Variants in NOX4 observed in about 807,000 individuals in gnomAD.
NOX4 encodes kidney oxidase-1.
In NOX4, 69 loss-of-function variants were observed where a neutral mutation model predicts 87.6. The ratio of observed to expected loss-of-function variants is 0.79; its 90% CI spans 0.65 to 0.96. The LOEUF (loss-of-function observed/expected upper bound fraction) is 0.96, where lower values mean the gene tolerates loss of function less well. NOX4 is among the 40% of genes least tolerant of loss of function. NOX4 has a pLI of 0.00. For missense variants in NOX4, 680 were observed against 681.5 expected, an observed-to-expected ratio of 1.00 and a Z score of 0.02; for synonymous variants, 275 against 238.2, an observed-to-expected ratio of 1.15 and a Z score of -1.42.
intron 4 of NOX4, among the ~76,000 whole-genome samples, chr11:89,446,614 C>A (rs182320278): frequency 9.9e-5 from 15 of 152,224 alleles, no homozygotes; most frequent in Admixed American, 3.3e-4. Context: ...AGAAGCCAAT[C>A]TGAAAAGACT....
chr11:89,346,051 T>G (rs1234929415), intron 13 of NOX4, among the ~76,000 whole-genome samples: 1 of 152,174 alleles, frequency 6.6e-6, no homozygotes, highest in Non-Finnish European at 1.5e-5. Context: ...AAACCCACTC[T>G]GCCAAGAGAA....
chr11:89,561,115 C>A, the NOX4 span, among the ~76,000 whole-genome samples: 1 of 129,024 alleles, frequency 7.8e-6, no homozygotes, highest in Non-Finnish European at 1.6e-5. Context: ...CTGAAGAACC[C>A]TAACACAGCA....
At chr11:89,362,452 T>C (rs2135010517) in intron 12 of NOX4, among the ~76,000 whole-genome samples, 1 of 152,244 alleles carries the variant, frequency 6.6e-6, no homozygotes, top group African/African-American at 2.4e-5. Context: ...GTCCAGTATC[T>C]TGATCATGCC....
chr11:89,339,487 G>C (rs2135380740), intron 15 of NOX4, among the ~76,000 whole-genome samples: 1 of 152,240 alleles, frequency 6.6e-6, no homozygotes, highest in Non-Finnish European at 1.5e-5. Flanking sequence ...TTGTAGCAAG[G>C]ATACATATGT....
At chr11:89,397,435 A>G (rs1248538898) in intron 11 of NOX4, among the ~76,000 whole-genome samples, 1 of 152,146 alleles carries the variant, frequency 6.6e-6, no homozygotes, top group Non-Finnish European at 1.5e-5. Context: ...AAACGAATAC[A>G]AAAGCTAGCA....
chr11:89,463,024 T>G (rs1945540251), intron 2 of NOX4, among the ~76,000 whole-genome samples: 1 of 151,914 alleles, frequency 6.6e-6, no homozygotes, highest in South Asian at 2.1e-4. Flanking sequence ...TGGATATTCA[T>G]TATATCATAA....
chr11:89,431,646 A>G (rs895556747), intron 7 of NOX4, among the ~76,000 whole-genome samples: 2 of 152,186 alleles, frequency 1.3e-5, no homozygotes, highest in Non-Finnish European at 2.9e-5. Flanking sequence ...CAAAACCACA[A>G]TGAGATACCA....
At chr11:89,402,610 G>T (rs556094377) in intron 8 of NOX4, 68 bp from the exon 9 acceptor site, 3 of 1,230,118 alleles carry the variant, frequency 2.4e-6, no homozygotes, top group South Asian at 1.3e-5. Flanking sequence ...CACGGTAAAA[G>T]AAAATAATGT....
chr11:89,533,064 TAATACAGAC>T, the NOX4 span, among the ~76,000 whole-genome samples: 2 of 152,156 alleles, frequency 1.3e-5, no homozygotes, highest in Non-Finnish European at 2.9e-5. Context: ...GAAAATGAAC[TAATACAGAC>T]AATTTTAAAA....
chr11:89,477,569 A>G (rs1233320178), intron 2 of NOX4, among the ~76,000 whole-genome samples: 2 of 152,170 alleles, frequency 1.3e-5, no homozygotes, highest in Admixed American at 6.5e-5. Context: ...AAATTAATGA[A>G]TGAATGAAGA....
rs780088726 is a variant in NOX4, at chr11:89,402,477, G to A, written c.695C>T (p.Thr232Ile). Residue 232 changes from threonine (T) to isoleucine (I), a missense_variant, in exon 9 of 18, where the codon ACC (threonine) becomes ATC (isoleucine). Transcript: ENST00000263317. Reference sequence around the variant, plus strand: ...TGGTAAGGAAATATTCTGAGAGCTGGTTCGGTTAAGACTGATGCAGCCGGG... The same window carrying A: ...TGGTAAGGAAATATTCTGAGAGCTGATTCGGTTAAGACTGATGCAGCCGGG... ...HPPGCISLNR[T>I]SSQNISLPEY... 6.2e-7 allele frequency: 1 copy of A among 1,612,418 alleles called. No individual in the cohort carries two copies. Among genetic ancestry groups the A allele is most frequent in the East Asian group, 2.2e-5 (1 of 44,840 alleles).
At chr11:89,528,582 G>T in the NOX4 span, among the ~76,000 whole-genome samples, 1 of 152,140 alleles carries the variant, frequency 6.6e-6, no homozygotes, top group African/African-American at 2.4e-5. Flanking sequence ...GTTCTTATGA[G>T]ATCTGATGGT....
chr11:89,401,425 G>C (rs1378516468), intron 9 of NOX4, among the ~76,000 whole-genome samples: 1 of 151,858 alleles, frequency 6.6e-6, no homozygotes, highest in Non-Finnish European at 1.5e-5. Flanking sequence ...GGGATCTAGA[G>C]GATTATTATT....
intron 11 of NOX4, among the ~76,000 whole-genome samples, chr11:89,392,256 C>A (rs999816154): frequency 7.2e-5 from 11 of 151,994 alleles, no homozygotes. Flanking sequence ...CACTTCTGAA[C>A]CTGAATCTTC....
chr11:89,386,737 C>T lies in NOX4; in HGVS notation c.1075-13245G>A, dbSNP rs575621150. Among the ~76,000 whole-genome samples the T allele has an allele frequency of 5.3e-5, 8 of 152,178 alleles. No individual in the cohort carries two copies. The East Asian group carries it at 1.5e-3, about 29-fold the overall frequency. On this transcript the variant is annotated intron_variant, in intron 11 of 17. Coordinates refer to ENST00000263317, the MANE Select transcript of NOX4 (RefSeq NM_016931.5). Reference sequence around the variant, plus strand: ...TTTTTACCTAAATCAATCTGGCCTGCTGTATGACAACATAAAAAAACTCAA... The same window carrying T: ...TTTTTACCTAAATCAATCTGGCCTGTTGTATGACAACATAAAAAAACTCAA...
chr11:89,531,097 A>G, the NOX4 span, among the ~76,000 whole-genome samples: 3 of 152,290 alleles, frequency 2.0e-5, no homozygotes, highest in South Asian at 4.1e-4. Flanking sequence ...TTTACTTGCA[A>G]TCTAAGAGTT....
At chr11:89,392,561 C>T (rs1329679142) in intron 11 of NOX4, among the ~76,000 whole-genome samples, 3 of 152,248 alleles carry the variant, frequency 2.0e-5, no homozygotes, top group South Asian at 2.1e-4. Context: ...AAAGAACAAA[C>T]CTTTCATTTA....
At chr11:89,489,540 C>G (rs1270655746) in intron 2 of NOX4, among the ~76,000 whole-genome samples, 1 of 151,838 alleles carries the variant, frequency 6.6e-6, no homozygotes, top group Admixed American at 6.6e-5. Flanking sequence ...CCAGCCTGAC[C>G]AACATGGTGA....
At chr11:89,544,543 A>T in the NOX4 span, among the ~76,000 whole-genome samples, 1 of 152,032 alleles carries the variant, frequency 6.6e-6, no homozygotes, top group Non-Finnish European at 1.5e-5. Flanking sequence ...GCAGCATTGT[A>T]TCTTAACATA....
Sources: gnomAD v4.1 joint callset for allele counts (sites outside exome capture counted in the v4.1 genomes callset) on GRCh38, gnomAD v4.1.1 for gene constraint, MANE v1.5 for transcripts, NCBI Gene and HGNC (gene_info 2026-07-23, HGNC 2026-07-21) for gene names.